Variants in INPP4B observed in about 807,000 individuals in gnomAD.
The protein encoded by INPP4B is inositol polyphosphate-4-phosphatase type II B, also known as inositol polyphosphate 4-phosphatase type II.
In INPP4B, 55 loss-of-function variants were observed where a neutral mutation model predicts 122.5. That is an observed-to-expected ratio of 0.45 (90% CI 0.36 to 0.56). The LOEUF is 0.56. Among genes scored for constraint, INPP4B ranks in the 20% least tolerant of loss-of-function variants. The probability of loss-of-function intolerance (pLI) is 0.00; values close to 1 mark genes in which losing one functional copy is unlikely to be tolerated. For synonymous variants in INPP4B, 403 were observed against 388.7 expected, an observed-to-expected ratio of 1.04 and a Z score of -0.43; for missense variants, 1,000 against 1,097.7, an observed-to-expected ratio of 0.91 and a Z score of 1.26.
intron 5 of INPP4B, among the ~76,000 whole-genome samples, chr4:142,417,613 A>AG (rs1308005109): frequency 6.6e-6 from 1 of 152,168 alleles, no homozygotes; most frequent in East Asian, 1.9e-4. Flanking sequence ...ATAAGGAATC[A>AG]GAGTTTCAGG....
At chr4:142,197,745 T>C (rs1237418958) in intron 14 of INPP4B, among the ~76,000 whole-genome samples, 1 of 152,210 alleles carries the variant, frequency 6.6e-6, no homozygotes, top group Non-Finnish European at 1.5e-5. Flanking sequence ...TAGTAGGTAC[T>C]CTATTTTCAG....
intron 2 of INPP4B, among the ~76,000 whole-genome samples, chr4:142,479,934 G>T (rs1005619543): frequency 2.0e-5 from 3 of 152,000 alleles, no homozygotes; most frequent in Non-Finnish European, 4.4e-5. Context: ...ATAACACTGC[G>T]CATGTACCCC....
At chr4:142,676,705 A>C (rs1757841614) in intron 2 of INPP4B, among the ~76,000 whole-genome samples, 2 of 152,194 alleles carry the variant, frequency 1.3e-5, no homozygotes, top group Admixed American at 6.5e-5. Context: ...CAACCATCTG[A>C]TCTTTGAGAA....
At chr4:142,385,424 A>T (rs1313858210) in intron 7 of INPP4B, among the ~76,000 whole-genome samples, 1 of 152,072 alleles carries the variant, frequency 6.6e-6, no homozygotes, top group African/African-American at 2.4e-5. Context: ...CTCAGTATGA[A>T]CTTAGGCCAG....
chr4:142,403,365 A>G (rs1802290749), intron 6 of INPP4B, among the ~76,000 whole-genome samples: 1 of 152,224 alleles, frequency 6.6e-6, no homozygotes, highest in Non-Finnish European at 1.5e-5. Flanking sequence ...CTTAATAAAT[A>G]TAACTTGTAA....
chr4:142,615,238 A>G (rs1008969432), intron 2 of INPP4B, among the ~76,000 whole-genome samples: 5 of 152,166 alleles, frequency 3.3e-5, no homozygotes, highest in African/African-American at 7.2e-5. Context: ...GTTAGACTGC[A>G]CTTTGGTTTT....
At chr4:142,704,243 T>G (rs1470958691) in intron 2 of INPP4B, among the ~76,000 whole-genome samples, 1 of 151,920 alleles carries the variant, frequency 6.6e-6, no homozygotes, top group Non-Finnish European at 1.5e-5. Flanking sequence ...AGACACAGAG[T>G]GAGACTGATA....
chr4:142,157,606 G>A (rs1204145130), intron 17 of INPP4B, among the ~76,000 whole-genome samples: 3 of 152,050 alleles, frequency 2.0e-5, no homozygotes, highest in African/African-American at 7.2e-5. Context: ...TTTTGCCTTT[G>A]AAGGACAACA....
chr4:142,607,867 A>C (rs1396285738), intron 2 of INPP4B, among the ~76,000 whole-genome samples: 1 of 152,136 alleles, frequency 6.6e-6, no homozygotes, highest in African/African-American at 2.4e-5. Flanking sequence ...ATTACCCTTA[A>C]TTCCTCAATA....
At chr4:142,031,660 A>G (rs751765168) in intron 25 of INPP4B, among the ~76,000 whole-genome samples, 1 of 152,172 alleles carries the variant, frequency 6.6e-6, no homozygotes, top group Non-Finnish European at 1.5e-5. Context: ...CTTGGTTACT[A>G]TTCAACTTTT....
intron 2 of INPP4B, among the ~76,000 whole-genome samples, chr4:142,662,300 T>C (rs1755344265): frequency 6.6e-6 from 1 of 152,034 alleles, no homozygotes; most frequent in Non-Finnish European, 1.5e-5. Context: ...TGCACATGTG[T>C]GGTCATGTTC....
At chr4:142,628,166 G>A (rs892389431) in intron 2 of INPP4B, among the ~76,000 whole-genome samples, 6 of 150,136 alleles carry the variant, frequency 4.0e-5, no homozygotes, top group African/African-American at 1.5e-4. Flanking sequence ...CAACCCAAAT[G>A]TCCAACAATG....
chr4:142,481,422 A>G (rs1820528155), intron 2 of INPP4B, among the ~76,000 whole-genome samples: 1 of 152,160 alleles, frequency 6.6e-6, no homozygotes, highest in Admixed American at 6.6e-5. Context: ...AACTCTATCC[A>G]TGCTTCTGAG....
At chr4:142,029,043 T>TC (rs1553951775) in intron 25 of INPP4B, 129 bp from the exon 26 acceptor site, 21 of 1,424,734 alleles carry the variant, frequency 1.5e-5, no homozygotes, top group Non-Finnish European at 1.3e-5. Flanking sequence ...ATTTTTTTTT[T>TC]CCACAAGTGA....
chr4:142,781,603 T>C (rs1015447966), intron 1 of INPP4B, among the ~76,000 whole-genome samples: 3 of 152,194 alleles, frequency 2.0e-5, no homozygotes, highest in African/African-American at 7.2e-5. Context: ...ATTTCCCATC[T>C]GTGATTTAGT....
intron 2 of INPP4B, among the ~76,000 whole-genome samples, chr4:142,715,622 A>G (rs1431570197): frequency 6.6e-6 from 1 of 152,220 alleles, no homozygotes; most frequent in Non-Finnish European, 1.5e-5. Context: ...TGAAAGTGGA[A>G]TGGCAGTACC....
Position 142,219,223 on chromosome 4 carries a change from C to T in INPP4B, c.837-10197G>A, listed in dbSNP as rs1248099457. Among the ~76,000 whole-genome samples the T allele has an allele frequency of 2.6e-5, 4 of 152,106 alleles. No individual in the cohort carries two copies. The East Asian group carries it at 5.8e-4, about 22-fold the overall frequency. ...GCCTCAAGTTATATACAAAGACTGA[C>T]AGTTGGAACACAGTTATTACAGGAT... is the stretch of plus-strand genomic sequence containing the variant. On this transcript the variant is annotated intron_variant, in intron 12 of 25. Coordinates refer to ENST00000262992, the MANE Select transcript of INPP4B (RefSeq NM_001101669.3).
intron 2 of INPP4B, among the ~76,000 whole-genome samples, chr4:142,723,241 G>GA (rs1280083708): frequency 6.6e-6 from 1 of 151,792 alleles, no homozygotes; most frequent in African/African-American, 2.4e-5. Context: ...ATTTCCTCCA[G>GA]AAAAAATTCA....
rs536567638 is a variant in INPP4B, at chr4:142,118,779, C to T, written c.2135+3349G>A. ...ACACCAAAAGCAATGGCAACAAAAG[C>T]CAAAATTGAGAAATGGGATCTAATT... is the stretch of plus-strand genomic sequence containing the variant. On this transcript the variant is annotated intron_variant, in intron 21 of 25. Transcript: ENST00000262992. 2.2e-3 allele frequency among the ~76,000 whole-genome samples: 337 copies of T among 152,168 alleles called. 1 individual carries two copies. The highest frequency in any genetic ancestry group is 4.2e-3 in the Non-Finnish European group (284 of 67,996).
Sources: gnomAD v4.1 joint callset for allele counts (sites outside exome capture counted in the v4.1 genomes callset) on GRCh38, gnomAD v4.1.1 for gene constraint, MANE v1.5 for transcripts, NCBI Gene and HGNC (gene_info 2026-07-23, HGNC 2026-07-21) for gene names.